CADM2: variants seen among roughly 807,000 people sequenced by gnomAD.
CADM2 encodes the protein immunoglobulin superfamily member 4D.
CADM2 carries 12 observed loss-of-function variants against 49.8 expected under a neutral mutation model. That is an observed-to-expected ratio of 0.24 (90% CI 0.15 to 0.39). CADM2 has a LOEUF of 0.39. Among genes scored for constraint, CADM2 ranks in the 10% least tolerant of loss-of-function variants. CADM2 has a pLI of 1.00. For missense variants in CADM2, 378 were observed against 492.3 expected, an observed-to-expected ratio of 0.77 and a Z score of 2.20; for synonymous variants, 214 against 175.4, an observed-to-expected ratio of 1.22 and a Z score of -1.74.
At chr3:85,388,264 G>T (rs1023786567) in intron 1 of CADM2, among the ~76,000 whole-genome samples, 1 of 152,108 alleles carries the variant, frequency 6.6e-6, no homozygotes, top group Non-Finnish European at 1.5e-5. Flanking sequence ...GCCAATAACT[G>T]TTTGTTGATG....
At chr3:85,671,380 A>C (rs900325983) in intron 1 of CADM2, among the ~76,000 whole-genome samples, 1 of 152,186 alleles carries the variant, frequency 6.6e-6, no homozygotes, top group African/African-American at 2.4e-5. Context: ...CTTGAGAATT[A>C]TAGTAGAGCA....
At chr3:85,611,138 G>T (rs1193796863) in intron 1 of CADM2, among the ~76,000 whole-genome samples, 1 of 151,828 alleles carries the variant, frequency 6.6e-6, no homozygotes, top group Non-Finnish European at 1.5e-5. Flanking sequence ...ATTAAGAAAA[G>T]TCTCATGCAC....
intron 1 of CADM2, among the ~76,000 whole-genome samples, chr3:85,461,658 T>A: frequency 9.7e-6 from 1 of 103,588 alleles, no homozygotes; most frequent in Non-Finnish European, 2.4e-5. Context: ...CAGCTGGGCT[T>A]TATGATAACC....
intron 8 of CADM2, among the ~76,000 whole-genome samples, chr3:86,008,391 G>A (rs1369608194): frequency 6.6e-6 from 1 of 151,906 alleles, no homozygotes; most frequent in Admixed American, 6.6e-5. Context: ...ATTGAAAAGT[G>A]TGAAAAAATA....
chr3:85,406,314 C>T (rs1321561400), intron 1 of CADM2, among the ~76,000 whole-genome samples: 1 of 151,998 alleles, frequency 6.6e-6, no homozygotes, highest in East Asian at 1.9e-4. Flanking sequence ...CTGAAACTTT[C>T]ACTGAGAAGA....
At chr3:85,909,282 TGAAA>T (rs1387072263) in intron 5 of CADM2, among the ~76,000 whole-genome samples, 1 of 152,082 alleles carries the variant, frequency 6.6e-6, no homozygotes, top group Non-Finnish European at 1.5e-5. Flanking sequence ...ATGTGGATTA[TGAAA>T]GAAAGAAATT....
At chr3:85,259,716 C>T (rs1425546289) in intron 1 of CADM2, among the ~76,000 whole-genome samples, 2 of 152,074 alleles carry the variant, frequency 1.3e-5, no homozygotes, top group Non-Finnish European at 2.9e-5. Flanking sequence ...AGCACTCTGG[C>T]CCCAATCATT....
intron 1 of CADM2, among the ~76,000 whole-genome samples, chr3:85,049,577 C>T (rs1008103697): frequency 6.6e-6 from 1 of 151,912 alleles, no homozygotes; most frequent in Non-Finnish European, 1.5e-5. Flanking sequence ...GTCTCAAACT[C>T]CTGACCTCGT....
chr3:86,017,151 T>C (rs745334871), intron 8 of CADM2, among the ~76,000 whole-genome samples: 46 of 114,896 alleles, frequency 4.0e-4, no homozygotes, highest in Non-Finnish European at 5.8e-4. Context: ...TGTGTATATA[T>C]ATGTGTGTGT....
chr3:85,136,409 T>C (rs2039416174), intron 1 of CADM2, among the ~76,000 whole-genome samples: 1 of 151,878 alleles, frequency 6.6e-6, no homozygotes, highest in South Asian at 2.1e-4. Context: ...GTTGAAAAAG[T>C]TTAGAAACAG....
intron 1 of CADM2, among the ~76,000 whole-genome samples, chr3:85,491,482 C>G (rs1470510661): frequency 2.0e-5 from 3 of 152,034 alleles, no homozygotes; most frequent in African/African-American, 7.2e-5. Context: ...CAACCAAGAA[C>G]TAGAGTTATC....
intron 8 of CADM2, among the ~76,000 whole-genome samples, chr3:85,995,014 T>TAAAAAAAAAAA (rs59038758): frequency 0.011 from 925 of 82,806 alleles, 54 homozygotes; most frequent in African/African-American, 0.022. Flanking sequence ...TTCGATTTGT[T>TAAAAAAAAAAA]AAAAAAAAAA....
At position 85,492,659 on chromosome 3, in the gene CADM2, G is replaced by T. The variant is rs571847149; in HGVS notation, c.62-233863G>T. The stretch of plus-strand genomic sequence containing the variant: ...GTAAAGATACATTCAGTTTAAAATA[G>T]GATTATCTGCATATTATTTTCTTAT... On this transcript the variant is annotated intron_variant, in intron 1 of 9. Coordinates refer to ENST00000383699, the MANE Select transcript of CADM2 (RefSeq NM_001167675.2). Among the ~76,000 whole-genome samples, 3 of 152,014 alleles carry T rather than the reference G, an allele frequency of 2.0e-5. No individual in the cohort carries two copies. The East Asian group carries it at 5.8e-4, about 29-fold the overall frequency.
chr3:85,602,314 G>A (rs1009728125), intron 1 of CADM2, among the ~76,000 whole-genome samples: 3 of 151,744 alleles, frequency 2.0e-5, no homozygotes, highest in South Asian at 2.1e-4. Context: ...ATATAAGAAC[G>A]TACTTTAGGA....
At chr3:85,295,483 C>T (rs1559764851) in intron 1 of CADM2, among the ~76,000 whole-genome samples, 1 of 152,088 alleles carries the variant, frequency 6.6e-6, no homozygotes, top group South Asian at 2.1e-4. Flanking sequence ...TATAAAGACA[C>T]GTGCACATGT....
At chr3:85,252,165 C>A (rs767593460) in intron 1 of CADM2, among the ~76,000 whole-genome samples, 1 of 151,934 alleles carries the variant, frequency 6.6e-6, no homozygotes, top group Non-Finnish European at 1.5e-5. Context: ...TTCTTCTGAT[C>A]CACTAAAGAG....
chr3:85,719,108 T>C (rs1020299524), intron 1 of CADM2, among the ~76,000 whole-genome samples: 3 of 151,982 alleles, frequency 2.0e-5, no homozygotes, highest in Non-Finnish European at 4.4e-5. Context: ...ATATGAGGTT[T>C]CACCATATTG....
intron 1 of CADM2, among the ~76,000 whole-genome samples, chr3:85,078,440 A>C (rs533027156): frequency 3.9e-5 from 6 of 152,088 alleles, no homozygotes; most frequent in African/African-American, 1.4e-4. Flanking sequence ...TTAATTTTGG[A>C]TTAACATAGC....
intron 5 of CADM2, among the ~76,000 whole-genome samples, chr3:85,887,964 C>A (rs1004759559): frequency 1.3e-5 from 2 of 152,184 alleles, no homozygotes; most frequent in African/African-American, 2.4e-5. Context: ...TGTAAGAATT[C>A]TCCAGGCAGT....
Sources: allele counts gnomAD v4.1 joint callset (sites outside exome capture counted in the v4.1 genomes callset), GRCh38; gene constraint gnomAD v4.1.1; transcripts MANE v1.5; gene names NCBI Gene and HGNC (gene_info 2026-07-23, HGNC 2026-07-21).